Variants in ZFAND6 observed in about 807,000 individuals in gnomAD.
ZFAND6 encodes zinc finger AN1-type containing 6.
In ZFAND6, 12 loss-of-function variants were observed where a neutral mutation model predicts 24.5. The observed-to-expected ratio is 0.49, with a 90% confidence interval of 0.31 to 0.79. The LOEUF (loss-of-function observed/expected upper bound fraction) is 0.79. ZFAND6 is among the 30% of genes least tolerant of loss of function. The probability of loss-of-function intolerance (pLI) is 0.04; values close to 1 mark genes in which losing one functional copy is unlikely to be tolerated. For synonymous variants in ZFAND6, 92 were observed against 81.5 expected, an observed-to-expected ratio of 1.13 and a Z score of -0.69; for missense variants, 207 against 245.9, an observed-to-expected ratio of 0.84 and a Z score of 1.06.
chr15:80,102,440 T>C (rs2039087206), intron 2 of ZFAND6, among the ~76,000 whole-genome samples: 1 of 152,208 alleles, frequency 6.6e-6, no homozygotes, highest in African/African-American at 2.4e-5. Context: ...AATAAAGGTA[T>C]TGACAGTTGA....
intron 5 of ZFAND6, among the ~76,000 whole-genome samples, chr15:80,123,291 T>C (rs2040228214): frequency 1.3e-5 from 2 of 152,226 alleles, no homozygotes; most frequent in Non-Finnish European, 2.9e-5. Context: ...GTCTTGCCCA[T>C]GCTCTTCATA....
intron 5 of ZFAND6, among the ~76,000 whole-genome samples, chr15:80,127,433 T>C (rs909246278): frequency 3.3e-5 from 5 of 151,586 alleles, no homozygotes; most frequent in African/African-American, 4.8e-5. Context: ...ACTAAAAATA[T>C]GAAACTTAGC....
At chr15:80,061,560 A>C (rs2036335370) in intron 1 of ZFAND6, among the ~76,000 whole-genome samples, 1 of 152,168 alleles carries the variant, frequency 6.6e-6, no homozygotes, top group Non-Finnish European at 1.5e-5. Context: ...AAATAGTTTT[A>C]TCATATATGT....
chr15:80,108,427 GAAGAA>G (rs1269278582), intron 2 of ZFAND6, among the ~76,000 whole-genome samples: 1 of 152,166 alleles, frequency 6.6e-6, no homozygotes, highest in East Asian at 1.9e-4. Context: ...GTAATCGTGA[GAAGAA>G]AGAGAATGAA....
At chr15:80,100,157 C>A (rs1335654443) in intron 2 of ZFAND6, among the ~76,000 whole-genome samples, 1 of 152,178 alleles carries the variant, frequency 6.6e-6, no homozygotes, top group Admixed American at 6.5e-5. Flanking sequence ...TTACAAGGCT[C>A]ACTTTAATGC....
At chr15:80,097,246 T>C (rs1567071456) in intron 1 of ZFAND6, among the ~76,000 whole-genome samples, 1 of 152,082 alleles carries the variant, frequency 6.6e-6, no homozygotes, top group East Asian at 1.9e-4. Context: ...GTGATCTGCC[T>C]GCCTCAGCCT....
intron 5 of ZFAND6, among the ~76,000 whole-genome samples, chr15:80,124,927 C>T (rs2040311025): frequency 6.6e-6 from 1 of 152,086 alleles, no homozygotes; most frequent in Non-Finnish European, 1.5e-5. Flanking sequence ...TAAGAATACC[C>T]TTTTTATTAT....
intron 1 of ZFAND6, among the ~76,000 whole-genome samples, chr15:80,062,204 G>A (rs1233604435): frequency 6.6e-6 from 1 of 152,140 alleles, no homozygotes. Context: ...TCATGTAAAA[G>A]AAACTTGTCC....
At chr15:80,131,364 C>T in intron 6 of ZFAND6, 71 bp downstream of exon 6, 1 of 1,294,014 alleles carries the variant, frequency 7.7e-7, no homozygotes, top group South Asian at 1.4e-5. Context: ...CTGTTGTTGA[C>T]TTCAATTAAG....
intron 1 of ZFAND6, among the ~76,000 whole-genome samples, chr15:80,093,157 G>A (rs959400255): frequency 6.6e-6 from 1 of 151,552 alleles, no homozygotes; most frequent in African/African-American, 2.4e-5. Flanking sequence ...AGTAGAGTCG[G>A]GGTTTCACCA....
At chr15:80,096,992 G>A (rs1393451363) in intron 1 of ZFAND6, among the ~76,000 whole-genome samples, 1 of 150,860 alleles carries the variant, frequency 6.6e-6, no homozygotes, top group Non-Finnish European at 1.5e-5. Context: ...TAGATATAAT[G>A]TGTTAGATTT....
chr15:80,094,819 C>T (rs1043227202), intron 1 of ZFAND6, among the ~76,000 whole-genome samples: 1 of 151,828 alleles, frequency 6.6e-6, no homozygotes, highest in Non-Finnish European at 1.5e-5. Context: ...GGGTTTTGCT[C>T]TTGTATCCCA....
chr15:80,102,254 CGT>C (rs2039076281), intron 2 of ZFAND6, among the ~76,000 whole-genome samples: 1 of 152,014 alleles, frequency 6.6e-6, no homozygotes, highest in Non-Finnish European at 1.5e-5. Flanking sequence ...GGATTACAGA[CGT>C]GTGCCACCAC....
At chr15:80,111,175 T>G (rs1333270091) in intron 2 of ZFAND6, among the ~76,000 whole-genome samples, 1 of 152,226 alleles carries the variant, frequency 6.6e-6, no homozygotes, top group Non-Finnish European at 1.5e-5. Flanking sequence ...CTATCATTTA[T>G]CACATCATGG....
At chr15:80,136,570 T>C (rs956590007) in intron 6 of ZFAND6, among the ~76,000 whole-genome samples, 25 of 152,256 alleles carry the variant, frequency 1.6e-4, no homozygotes, top group Non-Finnish European at 2.8e-4. Context: ...GTCTGTCTAA[T>C]ACAGTGCTGT....
chr15:80,123,189 T>G (rs1363507071), intron 5 of ZFAND6: 1 of 158,140 alleles, frequency 6.3e-6, no homozygotes, highest in Non-Finnish European at 1.4e-5. Context: ...TGAGAGACTG[T>G]GTCCATCGTG....
chr15:80,103,407 G>T (rs2039139505), intron 2 of ZFAND6, among the ~76,000 whole-genome samples: 1 of 152,096 alleles, frequency 6.6e-6, no homozygotes, highest in Non-Finnish European at 1.5e-5. Flanking sequence ...AATTTGGTGG[G>T]ATTAATTGGT....
At chr15:80,065,580 C>CTGT (rs1244323518) in intron 1 of ZFAND6, among the ~76,000 whole-genome samples, 3 of 107,630 alleles carry the variant, frequency 2.8e-5, no homozygotes, top group Non-Finnish European at 5.2e-5. Context: ...GAGTCTTACT[C>CTGT]TGTTGCCCAG....
intron 1 of ZFAND6, among the ~76,000 whole-genome samples, chr15:80,083,599 T>C (rs1228705041): frequency 1.3e-5 from 2 of 152,204 alleles, no homozygotes; most frequent in Non-Finnish European, 2.9e-5. Context: ...AAAAGCGTGT[T>C]CATGGAGATG....
Sources: allele counts gnomAD v4.1 joint callset (sites outside exome capture counted in the v4.1 genomes callset), GRCh38; gene constraint gnomAD v4.1.1; transcripts MANE v1.5; gene names NCBI Gene and HGNC (gene_info 2026-07-23, HGNC 2026-07-21).